The following PDCD1 variants were observed in gnomAD, a reference collection of about 807,000 sequenced individuals.
The protein encoded by PDCD1 is programmed cell death 1.
A neutral mutation model predicts 23.6 loss-of-function variants in PDCD1; 10 were observed. The ratio of observed to expected loss-of-function variants is 0.42; its 90% CI spans 0.26 to 0.72. The LOEUF is 0.72. Among genes scored for constraint, PDCD1 ranks in the 30% least tolerant of loss-of-function variants. The probability of loss-of-function intolerance (pLI) is 0.24; values close to 1 mark genes in which losing one functional copy is unlikely to be tolerated. For missense variants in PDCD1, 313 were observed against 397.8 expected (o/e 0.79, Z 1.81); for synonymous variants, 168 against 169.3 (o/e 0.99, Z 0.06).
At chr2:241,851,381 C>T (rs530438758) in intron 4 of PDCD1, 84 bp from the exon 5 acceptor site, 42 of 1,431,278 alleles carry the variant, frequency 2.9e-5, no homozygotes, top group East Asian at 2.8e-4. Context: ...GCTGCAGTAC[C>T]GGCACCGAAC....
chr2:241,852,185 G>T lies in PDCD1; in HGVS notation c.592+13C>A. 1 of 1,605,868 alleles carries T rather than the reference G, an allele frequency of 6.2e-7. No homozygotes were observed. Among genetic ancestry groups the T allele is most frequent in the African/African-American group, 1.3e-5 (1 of 74,938 alleles). ...TTAGGGCAGGGCAGGCCGAGGGGCT[G>T]GGATGACGTTACCTCGTGCGGCCCG... On this transcript the variant is annotated intron_variant, in intron 3 of 4. Coordinates refer to ENST00000334409, the MANE Select transcript of PDCD1 (RefSeq NM_005018.3).
intron 2 of PDCD1, 40 bp from the exon 3 acceptor site, chr2:241,852,393 G>A (rs1209097542): frequency 1.4e-6 from 2 of 1,405,602 alleles, no homozygotes; most frequent in Admixed American, 1.9e-5. Flanking sequence ...ACGGGGTCAG[G>A]GTGGAGGGTC....
intron 2 of PDCD1, 122 bp from the exon 3 acceptor site, chr2:241,852,475 C>A: frequency 1.7e-6 from 2 of 1,175,274 alleles, no homozygotes; most frequent in South Asian, 1.5e-5. Context: ...TGCCGGTCAC[C>A]ATTCCCCAGG....
At chr2:241,852,530 C>G (rs1044160550) in intron 2 of PDCD1, 91 bp downstream of exon 2, 1 of 1,468,688 alleles carries the variant, frequency 6.8e-7, no homozygotes, top group African/African-American at 1.4e-5. Context: ...CCCTGCCCTA[C>G]GACCCTGGAG....
Position 241,858,726 on chromosome 2 carries a change from C to T in PDCD1, c.76+37G>A, listed in dbSNP as rs1701076670. The T allele has an allele frequency of 3.2e-6, 5 of 1,540,374 alleles. No individual in the cohort carries two copies. In the East Asian group the frequency reaches 1.2e-4, roughly 37 times the overall value. On this transcript the variant is annotated intron_variant, in intron 1 of 4. Transcript: ENST00000334409. ...TGAGGGTGGAAGGTCCCTCCAGACC[C>T]CTGGCTCTGGGACACCTGACCGCCG...
chr2:241,851,873 C>G lies in PDCD1; in HGVS notation c.627+76G>C, dbSNP rs908766315. 5 of 1,412,114 alleles carry G rather than the reference C, an allele frequency of 3.5e-6. No homozygotes were observed. In the African/African-American group the frequency reaches 7.1e-5, roughly 20 times the overall value. 87.5% of individuals were successfully genotyped at this position (1,412,114 alleles called of 1,614,324 possible). The stretch of plus-strand genomic sequence containing the variant: ...ATGTGAGTCCTGCAGGCCGTGTGGT[C>G]CCAGCCTGTCCTTCCACCTCTGCCC... On this transcript the variant is annotated intron_variant, in intron 4 of 4. Coordinates refer to ENST00000334409, the MANE Select transcript of PDCD1 (RefSeq NM_005018.3).
intron 1 of PDCD1, among the ~76,000 whole-genome samples, chr2:241,857,357 G>C (rs895452549): frequency 2.6e-5 from 4 of 152,204 alleles, no homozygotes; most frequent in Non-Finnish European, 5.9e-5. Flanking sequence ...GCGGGCACCT[G>C]AGGCACGAGT....
At chr2:241,851,640 C>T (rs1347584176) in intron 4 of PDCD1, among the ~76,000 whole-genome samples, 1 of 151,778 alleles carries the variant, frequency 6.6e-6, no homozygotes, top group Non-Finnish European at 1.5e-5. Flanking sequence ...ACCTGGAGAC[C>T]GCAGGCAGGC....
chr2:241,855,554 C>T (rs1701004122), intron 1 of PDCD1, among the ~76,000 whole-genome samples: 1 of 152,198 alleles, frequency 6.6e-6, no homozygotes, highest in Non-Finnish European at 1.5e-5. Flanking sequence ...GTGCCCTATG[C>T]AGGGTCAGGA....
intron 1 of PDCD1, among the ~76,000 whole-genome samples, chr2:241,853,785 T>A (rs1325451235): frequency 6.6e-6 from 1 of 152,228 alleles, no homozygotes; most frequent in Non-Finnish European, 1.5e-5. Flanking sequence ...CGAGATGCCA[T>A]GCAACGGGGT....
At position 241,858,801 on chromosome 2, in the gene PDCD1, G is replaced by A. The variant is rs777215737; in HGVS notation, c.38C>T (p.Ala13Val). The A allele has an allele frequency of 1.6e-5, 26 of 1,591,594 alleles. No homozygotes were observed. Among genetic ancestry groups the A allele is most frequent in the East Asian group, 9.1e-5 (4 of 43,906 alleles). The change falls in exon 1 of 5, where the codon GCG (alanine) becomes GTG (valine). Residue 13 changes from alanine (A) to valine (V), a missense_variant. By Grantham distance (64) the Ala-to-Val change is moderately conservative (BLOSUM62 0). Transcript: ENST00000334409. ...IPQAPWPVVW[A>V]VLQLGWRPGW... is the part of the protein sequence containing the mutation. ...TGGCCGCCAGCCCAGTTGTAGCACCGCCCAGACGACTGGCCAGGGCGCCTG... is the reference window on the plus strand; with the variant it reads ...TGGCCGCCAGCCCAGTTGTAGCACCACCCAGACGACTGGCCAGGGCGCCTG...
At chr2:241,854,928 G>A (rs1200331639) in intron 1 of PDCD1, among the ~76,000 whole-genome samples, 1 of 152,232 alleles carries the variant, frequency 6.6e-6, no homozygotes, top group Non-Finnish European at 1.5e-5. Context: ...ACACCGCAAT[G>A]TCCCTGGGAC....
Position 241,851,964 on chromosome 2 carries a change from G to T in PDCD1, c.612C>A (p.Arg204=). The T allele has an allele frequency of 6.2e-7, 1 of 1,613,690 alleles. No homozygotes were observed. The highest frequency in any genetic ancestry group is 1.1e-5 in the South Asian group (1 of 91,068). The change falls in exon 4 of 5, where the codon CGC becomes CGA. Residue 204 remains arginine, a synonymous_variant. Transcript: ENST00000334409. ...RAARGTIGAR[R]TGQPLKEDPS... The stretch of plus-strand genomic sequence containing the variant: ...TGAGACTCACCAGGGGCTGGCCGGT[G>T]CGCCTGGCTCCTATTGTCCCTGCAG...
At position 241,850,260 on chromosome 2, in the gene PDCD1, C is replaced by T. The variant is rs1331108508; in HGVS notation, c.*798G>A. On this transcript the variant is annotated 3_prime_UTR_variant, in exon 5 of 5. Transcript: ENST00000334409. Reference sequence around the variant, plus strand: ...CCTGAGTCAACCCCAGCCCTGCCCTCCTGACCTTGGGACCGTAGGATGTCC... The same window carrying T: ...CCTGAGTCAACCCCAGCCCTGCCCTTCTGACCTTGGGACCGTAGGATGTCC... 4.3e-6 allele frequency: 1 copy of T among 233,474 alleles called. No individual in the cohort carries two copies. The highest frequency in any genetic ancestry group is 6.0e-5 in the East Asian group (1 of 16,596). 14.5% of individuals were successfully genotyped at this position (233,474 alleles called of 1,614,324 possible). A position where few individuals can be genotyped will look rare whatever the true frequency, so the allele number is the denominator to read the frequency against.
intron 1 of PDCD1, among the ~76,000 whole-genome samples, chr2:241,853,212 TGGGTCTC>T (rs1700947112): frequency 1.3e-5 from 2 of 152,240 alleles, no homozygotes; most frequent in African/African-American, 4.8e-5. Context: ...GGCTCTGACT[TGGGTCTC>T]CCTGATTTCC....
chr2:241,853,248 C>T (rs569582295), intron 1 of PDCD1, among the ~76,000 whole-genome samples: 8 of 148,888 alleles, frequency 5.4e-5, no homozygotes, highest in African/African-American at 1.7e-4. Flanking sequence ...GCCTTCACCC[C>T]CTTCCCCGTT....
rs1252729528 is a variant in PDCD1 at position 241,852,608 on chromosome 2, T to C, written c.436+13A>G. 2 of 1,605,906 alleles carry C rather than the reference T, an allele frequency of 1.2e-6. No homozygotes were observed. The highest frequency in any genetic ancestry group is 1.7e-6 in the Non-Finnish European group (2 of 1,176,834). Reference sequence around the variant, plus strand: ...CTCAGCTCACCCCTGCCCCGGGGCCTCCGAGGCCGCACCTGTCACCCTGAG... The same window carrying C: ...CTCAGCTCACCCCTGCCCCGGGGCCCCCGAGGCCGCACCTGTCACCCTGAG... On this transcript the variant is annotated intron_variant, in intron 2 of 4. Transcript: ENST00000334409.
chr2:241,857,035 TCTTA>T (rs1466485078), intron 1 of PDCD1, among the ~76,000 whole-genome samples: 1 of 152,182 alleles, frequency 6.6e-6, no homozygotes, highest in Non-Finnish European at 1.5e-5. Flanking sequence ...AAGCAGAGGC[TCTTA>T]TTTATGCTCC....
chr2:241,852,192 C>T lies in PDCD1; in HGVS notation c.592+6G>A, dbSNP rs372961052. Reference sequence around the variant, plus strand: ...AGGGCAGGCCGAGGGGCTGGGATGACGTTACCTCGTGCGGCCCGGGAGCAG... The same window carrying T: ...AGGGCAGGCCGAGGGGCTGGGATGATGTTACCTCGTGCGGCCCGGGAGCAG... On this transcript the variant is annotated splice_donor_region_variant and intron_variant, in intron 3 of 4. Coordinates refer to ENST00000334409, the MANE Select transcript of PDCD1 (RefSeq NM_005018.3). 1.8e-5 allele frequency: 29 copies of T among 1,606,704 alleles called. No homozygotes were observed. Among genetic ancestry groups the T allele is most frequent in the Middle Eastern group, 3.6e-4 (2 of 5,544 alleles).
Sources: gnomAD v4.1 joint callset for allele counts (sites outside exome capture counted in the v4.1 genomes callset) on GRCh38, gnomAD v4.1.1 for gene constraint, MANE v1.5 for transcripts, NCBI Gene and HGNC (gene_info 2026-07-23, HGNC 2026-07-21) for gene names.